The following EIPR1 variants were observed in gnomAD, a reference collection of about 807,000 sequenced individuals.
EIPR1 encodes the protein EARP complex and GARP complex interacting protein 1.
In EIPR1, 25 loss-of-function variants were observed where a neutral mutation model predicts 48.1. The ratio of observed to expected loss-of-function variants is 0.52; its 90% CI spans 0.38 to 0.73. The LOEUF (loss-of-function observed/expected upper bound fraction) is 0.73, where lower values mean the gene tolerates loss of function less well. EIPR1 is among the 30% of genes least tolerant of loss of function. The probability of loss-of-function intolerance (pLI) is 0.00; values close to 1 mark genes in which losing one functional copy is unlikely to be tolerated. For missense variants in EIPR1, 415 were observed against 506.2 expected (o/e 0.82, Z 1.73); for synonymous variants, 204 against 201.9 (o/e 1.01, Z -0.09).
At chr2:3,310,101 A>G (rs1412412709) in intron 3 of EIPR1, among the ~76,000 whole-genome samples, 1 of 152,176 alleles carries the variant, frequency 6.6e-6, no homozygotes, top group Non-Finnish European at 1.5e-5. Context: ...CGGCAAGGTC[A>G]CCACACTCTG....
chr2:3,208,360 G>A, intron 5 of EIPR1: 1 of 1,160,756 alleles, frequency 8.6e-7, no homozygotes, highest in Non-Finnish European at 1.2e-6. Context: ...TGCCCGGGTG[G>A]GACTCATTTA....
intron 4 of EIPR1, among the ~76,000 whole-genome samples, chr2:3,220,570 T>C (rs911580117): frequency 6.6e-6 from 1 of 150,972 alleles, no homozygotes; most frequent in Non-Finnish European, 1.5e-5. Flanking sequence ...CACAGTGAGT[T>C]GAGGACACAT....
chr2:3,261,347 G>A (rs974502350), intron 3 of EIPR1, among the ~76,000 whole-genome samples: 17 of 152,166 alleles, frequency 1.1e-4, no homozygotes, highest in African/African-American at 4.1e-4. Context: ...AAGAATGAAT[G>A]AGCAGAAGGC....
In EIPR1 at chr2:3,304,226, C is replaced by A. The variant is rs200705989; in HGVS notation, c.259+33791G>T. ...GATCCAGGGAACAGCGTGCTGTGCG[C>A]GGGGAGGTGGTCTGGCGAGATCGGA... is the stretch of plus-strand genomic sequence containing the variant. On this transcript the variant is annotated intron_variant, in intron 3 of 8. Transcript: ENST00000382125. Among the ~76,000 whole-genome samples, 8 of 152,296 alleles carry A rather than the reference C, an allele frequency of 5.3e-5. No homozygotes were observed. In the East Asian group the frequency reaches 1.5e-3, roughly 29 times the overall value.
rs116692207 is a variant in EIPR1, at chr2:3,287,429, C to T, written c.260-29974G>A. Among the ~76,000 whole-genome samples, 194 of 147,458 alleles carry T rather than the reference C, an allele frequency of 1.3e-3. 2 individuals are homozygous for T. The highest frequency in any genetic ancestry group is 4.5e-3 in the African/African-American group (179 of 39,652). Reference sequence around the variant, plus strand: ...CGTGTTCACCACGCTCCGGAAAGCTCGTTCACAATCCAGAAAGCGCGTTCA... The same window carrying T: ...CGTGTTCACCACGCTCCGGAAAGCTTGTTCACAATCCAGAAAGCGCGTTCA... On this transcript the variant is annotated intron_variant, in intron 3 of 8. Coordinates refer to ENST00000382125, the MANE Select transcript of EIPR1 (RefSeq NM_003310.5).
intron 3 of EIPR1, among the ~76,000 whole-genome samples, chr2:3,330,752 CGT>C (rs1558303182): frequency 2.8e-5 from 4 of 140,352 alleles, no homozygotes; most frequent in African/African-American, 1.0e-4. Flanking sequence ...CGTGTACACT[CGT>C]GAGATGGTGT....
chr2:3,376,245 T>TG (rs969956546), intron 1 of EIPR1, among the ~76,000 whole-genome samples: 4 of 151,710 alleles, frequency 2.6e-5, no homozygotes, highest in East Asian at 1.9e-4. Flanking sequence ...AGCCATGAGG[T>TG]GGGGGGGAGG....
intron 2 of EIPR1, among the ~76,000 whole-genome samples, chr2:3,345,003 A>C (rs1670357738): frequency 6.6e-6 from 1 of 152,204 alleles, no homozygotes; most frequent in Non-Finnish European, 1.5e-5. Context: ...GCCCTTGCCC[A>C]TGAAGCCCAA....
intron 2 of EIPR1, among the ~76,000 whole-genome samples, chr2:3,354,077 A>G (rs1319463399): frequency 6.6e-6 from 1 of 152,228 alleles, no homozygotes; most frequent in Non-Finnish European, 1.5e-5. Context: ...TGTCCGCTAC[A>G]GTGACCAGAA....
At chr2:3,216,720 A>T (rs940053480) in intron 4 of EIPR1, among the ~76,000 whole-genome samples, 5 of 151,718 alleles carry the variant, frequency 3.3e-5, no homozygotes, top group Admixed American at 2.0e-4. Flanking sequence ...ATCTATTAAA[A>T]CTCTTCTATG....
At chr2:3,292,747 C>A (rs57216050) in intron 3 of EIPR1, among the ~76,000 whole-genome samples, 1 of 152,068 alleles carries the variant, frequency 6.6e-6, no homozygotes, top group African/African-American at 2.4e-5. Flanking sequence ...GCAACTTCTG[C>A]CAAGATGATG....
In EIPR1 at chr2:3,193,947, A is replaced by G. The variant is rs375577927; in HGVS notation, c.821+52T>C. 3.8e-6 allele frequency: 6 copies of G among 1,593,168 alleles called. No homozygotes were observed. The African/African-American group carries it at 8.0e-5, about 21-fold the overall frequency. On this transcript the variant is annotated intron_variant, in intron 7 of 8. Coordinates refer to ENST00000382125, the MANE Select transcript of EIPR1 (RefSeq NM_003310.5). The stretch of plus-strand genomic sequence containing the variant: ...CTTTCCCAATGGTAAAGTAATTAGC[A>G]AAATCAATTGCGTAATCCCCTCCTC...
intron 4 of EIPR1, among the ~76,000 whole-genome samples, chr2:3,248,063 G>A (rs540954905): frequency 6.6e-6 from 1 of 152,116 alleles, no homozygotes; most frequent in Non-Finnish European, 1.5e-5. Flanking sequence ...ATTGGGGCAT[G>A]GGGGCGGATC....
At chr2:3,212,661 C>T (rs1450563830) in intron 5 of EIPR1, among the ~76,000 whole-genome samples, 2 of 152,198 alleles carry the variant, frequency 1.3e-5, no homozygotes, top group African/African-American at 4.8e-5. Flanking sequence ...TCTGCCAAAT[C>T]TCCCGGAAGG....
chr2:3,278,179 G>A (rs1363588000), intron 3 of EIPR1, among the ~76,000 whole-genome samples: 1 of 152,218 alleles, frequency 6.6e-6, no homozygotes, highest in African/African-American at 2.4e-5. Context: ...CAGAGGCCCA[G>A]GGGAGTCTGA....
intron 3 of EIPR1, among the ~76,000 whole-genome samples, chr2:3,283,388 T>G (rs908199276): frequency 5.9e-5 from 9 of 152,198 alleles, no homozygotes; most frequent in African/African-American, 2.2e-4. Flanking sequence ...CCTCCTGCCC[T>G]GACCACCCCT....
In EIPR1 at chr2:3,222,151, C is replaced by T. The variant is rs376889957; in HGVS notation, c.417-7903G>A. On this transcript the variant is annotated intron_variant, in intron 4 of 8. Transcript: ENST00000382125. ...AGAGCAGCATGTGCTCTAAAAGACA[C>T]TCTCCCTGCAGACATATCACTGCAA... 2.0e-5 allele frequency among the ~76,000 whole-genome samples: 3 copies of T among 152,356 alleles called. No homozygotes were observed. The East Asian group carries it at 5.8e-4, about 29-fold the overall frequency.
chr2:3,344,827 G>C (rs1162628734), intron 2 of EIPR1, among the ~76,000 whole-genome samples: 1 of 151,698 alleles, frequency 6.6e-6, no homozygotes, highest in Non-Finnish European at 1.5e-5. Context: ...ATTTTTAGTA[G>C]AGACAGGGTT....
chr2:3,225,635 C>CT (rs376420053), intron 4 of EIPR1, among the ~76,000 whole-genome samples: 52 of 152,080 alleles, frequency 3.4e-4, no homozygotes, highest in South Asian at 1.2e-3. Context: ...AGTTAACTCC[C>CT]TTTTTTTTGT....
Sources: gnomAD v4.1 joint callset for allele counts (sites outside exome capture counted in the v4.1 genomes callset) on GRCh38, gnomAD v4.1.1 for gene constraint, MANE v1.5 for transcripts, NCBI Gene and HGNC (gene_info 2026-07-23, HGNC 2026-07-21) for gene names.